LRRC69: variants seen among roughly 807,000 people sequenced by gnomAD.
The protein encoded by LRRC69 is leucine rich repeat containing 69, also known as leucine-rich repeat-containing protein 69.
Under a neutral mutation model 37.8 loss-of-function variants are expected in LRRC69, and 42 were observed. That is an observed-to-expected ratio of 1.11 (90% CI 0.87 to 1.44). The LOEUF (loss-of-function observed/expected upper bound fraction) is 1.44, where lower values mean the gene tolerates loss of function less well. Among genes scored for constraint, LRRC69 ranks in the 40% most tolerant of loss-of-function variants. The pLI, the probability that LRRC69 is intolerant of heterozygous loss-of-function variation, is 0.00. For missense variants in LRRC69, 357 were observed against 401.9 expected (o/e 0.89, Z 0.96); for synonymous variants, 141 against 143.1 (o/e 0.99, Z 0.11).
intron 7 of LRRC69, chr8:91,206,873 C>G: frequency 1.6e-6 from 2 of 1,279,474 alleles, no homozygotes; most frequent in South Asian, 1.3e-5. Flanking sequence ...CAGAAAGCTG[C>G]CAAGTAGAGG....
At chr8:91,103,738 G>A (rs927422754) in intron 1 of LRRC69, among the ~76,000 whole-genome samples, 2 of 151,836 alleles carry the variant, frequency 1.3e-5, no homozygotes, top group African/African-American at 4.8e-5. Flanking sequence ...ATAAGAAATA[G>A]GGTAACTTTT....
At chr8:91,134,729 A>G (rs1482828622) in intron 4 of LRRC69, among the ~76,000 whole-genome samples, 1 of 152,038 alleles carries the variant, frequency 6.6e-6, no homozygotes, top group Admixed American at 6.6e-5. Flanking sequence ...TTTGCTCTTA[A>G]TGGAACATCA....
intron 7 of LRRC69, among the ~76,000 whole-genome samples, chr8:91,213,662 T>C (rs968175166): frequency 1.5e-4 from 23 of 152,222 alleles, no homozygotes; most frequent in African/African-American, 4.8e-4. Flanking sequence ...CCAATTGCTT[T>C]AGGATTCAAA....
chr8:91,136,019 C>T lies in LRRC69; in HGVS notation c.651+280C>T, dbSNP rs1010435995. Among the ~76,000 whole-genome samples, 3 of 151,856 alleles carry T rather than the reference C, an allele frequency of 2.0e-5. No homozygotes were observed. In the East Asian group the frequency reaches 5.8e-4, roughly 29 times the overall value. On this transcript the variant is annotated intron_variant, in intron 5 of 7. Coordinates refer to ENST00000448384, the Ensembl canonical transcript of LRRC69. ...TAAATTTTTTGGTTATTACACACTG[C>T]TTTTGGTCACCTCTGGCTTTTTGAA... is the stretch of plus-strand genomic sequence containing the variant.
rs373335986 is a variant in LRRC69 at position 91,146,469 on chromosome 8, G to A, written c.651+10730G>A. Among the ~76,000 whole-genome samples the A allele has an allele frequency of 1.8e-4, 28 of 151,936 alleles. No individual in the cohort carries two copies. The East Asian group carries it at 4.1e-3, about 22-fold the overall frequency. ...AAAAATTAAAAATATTATAAAGAGA[G>A]TCTGATTGAAATCAAATGTGGCTCT... On this transcript the variant is annotated intron_variant, in intron 5 of 7. Coordinates refer to ENST00000448384, the Ensembl canonical transcript of LRRC69.
At chr8:91,147,433 A>G (rs1476756423) in intron 5 of LRRC69, among the ~76,000 whole-genome samples, 2 of 150,936 alleles carry the variant, frequency 1.3e-5, no homozygotes, top group African/African-American at 4.8e-5. Flanking sequence ...CCATCTGACT[A>G]TTCTTTTTTT....
intron 6 of LRRC69, among the ~76,000 whole-genome samples, chr8:91,196,582 C>G (rs1046828898): frequency 6.6e-6 from 1 of 152,164 alleles, no homozygotes; most frequent in Non-Finnish European, 1.5e-5. Flanking sequence ...CTTCTTGCTT[C>G]ATTTCATTCA....
chr8:91,150,553 T>G (rs533107684), intron 5 of LRRC69, among the ~76,000 whole-genome samples: 27 of 152,080 alleles, frequency 1.8e-4, no homozygotes, highest in Admixed American at 1.6e-3. Context: ...TCTCTTTTTT[T>G]GTTGTGTCTC....
intron 5 of LRRC69, among the ~76,000 whole-genome samples, chr8:91,147,876 C>G (rs981410153): frequency 6.6e-6 from 1 of 151,608 alleles, no homozygotes; most frequent in African/African-American, 2.4e-5. Flanking sequence ...GCCCCCCCAA[C>G]AGGCCTTGGT....
intron 5 of LRRC69, among the ~76,000 whole-genome samples, chr8:91,142,797 G>A (rs1240776273): frequency 3.3e-5 from 5 of 152,008 alleles, no homozygotes; most frequent in Non-Finnish European, 5.9e-5. Context: ...TTCTGCCTCT[G>A]AGGAATCCAT....
Position 91,108,665 on chromosome 8 carries a change from C to T in LRRC69, c.183+5821C>T, listed in dbSNP as rs936944504. On this transcript the variant is annotated intron_variant, in intron 1 of 7. Coordinates refer to ENST00000448384, the Ensembl canonical transcript of LRRC69. ...CCCGCGGGCCACATGCGGCCCAGGA[C>T]GGCTTTGAATGTGGCCCAACTCAAA... is the stretch of plus-strand genomic sequence containing the variant. Among the ~76,000 whole-genome samples the T allele has an allele frequency of 7.2e-5, 11 of 152,100 alleles. No homozygotes were observed. In the South Asian group the frequency reaches 8.3e-4, roughly 11 times the overall value.
At chr8:91,191,569 A>G (rs1306671002) in intron 6 of LRRC69, among the ~76,000 whole-genome samples, 1 of 152,204 alleles carries the variant, frequency 6.6e-6, no homozygotes, top group Non-Finnish European at 1.5e-5. Context: ...TGTTGGGACA[A>G]TGACGCCAAC....
intron 5 of LRRC69, among the ~76,000 whole-genome samples, chr8:91,136,019 C>A (rs1010435995): frequency 8.6e-5 from 13 of 151,856 alleles, no homozygotes; most frequent in African/African-American, 3.1e-4. Context: ...TTACACACTG[C>A]TTTTGGTCAC....
At chr8:91,159,376 A>G (rs977469613) in intron 5 of LRRC69, among the ~76,000 whole-genome samples, 1 of 151,250 alleles carries the variant, frequency 6.6e-6, no homozygotes, top group Non-Finnish European at 1.5e-5. Context: ...AAGCTTCAAA[A>G]TAGACCTGTG....
intron 5 of LRRC69, among the ~76,000 whole-genome samples, chr8:91,140,440 G>C (rs1388933475): frequency 6.6e-6 from 1 of 151,806 alleles, no homozygotes; most frequent in Non-Finnish European, 1.5e-5. Context: ...AATAAGTATA[G>C]AAAGAGTAAA....
At chr8:91,180,214 GTCTC>G (rs1032791384) in intron 5 of LRRC69, among the ~76,000 whole-genome samples, 3 of 152,162 alleles carry the variant, frequency 2.0e-5, no homozygotes, top group Non-Finnish European at 4.4e-5. Context: ...CTAGCTCAGG[GTCTC>G]TCATGAGTTG....
intron 5 of LRRC69, among the ~76,000 whole-genome samples, chr8:91,151,730 A>G (rs1808741532): frequency 6.6e-6 from 1 of 151,682 alleles, no homozygotes; most frequent in African/African-American, 2.4e-5. Context: ...ACTGTCTTCC[A>G]CAGTGGTTGA....
At chr8:91,119,468 C>A (rs1813577817) in intron 1 of LRRC69, among the ~76,000 whole-genome samples, 2 of 152,058 alleles carry the variant, frequency 1.3e-5, no homozygotes, top group African/African-American at 4.8e-5. Context: ...TATGTGAACT[C>A]TCTTCCTCTT....
intron 5 of LRRC69, among the ~76,000 whole-genome samples, chr8:91,152,472 G>T (rs1457370257): frequency 6.6e-6 from 1 of 151,558 alleles, no homozygotes; most frequent in African/African-American, 2.4e-5. Flanking sequence ...TGTCTATTCT[G>T]TTCCCTTGGT....
Sources: allele counts gnomAD v4.1 joint callset (sites outside exome capture counted in the v4.1 genomes callset), GRCh38; gene constraint gnomAD v4.1.1; transcripts MANE v1.5; gene names NCBI Gene and HGNC (gene_info 2026-07-23, HGNC 2026-07-21).